The following CLIP1 variants were observed in gnomAD, a reference collection of about 807,000 sequenced individuals.
CLIP1 encodes the protein CAP-Gly domain-containing linker protein 1.
In CLIP1, 66 loss-of-function variants were observed where a neutral mutation model predicts 161.6. The observed-to-expected ratio is 0.41, with a 90% CI of 0.33 to 0.50. The LOEUF (loss-of-function observed/expected upper bound fraction) is 0.50, where lower values mean the gene tolerates loss of function less well. Ranked by LOEUF, CLIP1 falls within the 20% of genes least tolerant of loss-of-function variation. The probability of loss-of-function intolerance (pLI) is 0.27; values close to 1 mark genes in which losing one functional copy is unlikely to be tolerated. For synonymous variants in CLIP1, 598 were observed against 626.2 expected (o/e 0.96, Z 0.67); for missense variants, 1,376 against 1,702.0 (o/e 0.81, Z 3.37).
chr12:122,412,845 A>G (rs1956593599), intron 1 of CLIP1, among the ~76,000 whole-genome samples: 1 of 152,144 alleles, frequency 6.6e-6, no homozygotes, highest in Admixed American at 6.6e-5. Flanking sequence ...TCTTAAAACT[A>G]ATACATAAAG....
At chr12:122,298,192 G>A (rs1593006622) in intron 20 of CLIP1, among the ~76,000 whole-genome samples, 1 of 152,228 alleles carries the variant, frequency 6.6e-6, no homozygotes, top group South Asian at 2.1e-4. Flanking sequence ...GTTTCCCAGG[G>A]AACTCAACCT....
chr12:122,403,651 T>C (rs552456582), intron 1 of CLIP1, among the ~76,000 whole-genome samples: 129 of 152,016 alleles, frequency 8.5e-4, no homozygotes, highest in African/African-American at 3.0e-3. Context: ...CCTGAGTAGC[T>C]GGTATTACAG....
At chr12:122,301,973 C>G (rs1484323427) in intron 20 of CLIP1, among the ~76,000 whole-genome samples, 1 of 152,132 alleles carries the variant, frequency 6.6e-6, no homozygotes, top group Non-Finnish European at 1.5e-5. Flanking sequence ...TATTTCCTGT[C>G]CCTCAGAACA....
At chr12:122,408,783 A>G (rs1956420163) in intron 1 of CLIP1, among the ~76,000 whole-genome samples, 1 of 151,558 alleles carries the variant, frequency 6.6e-6, no homozygotes, top group Non-Finnish European at 1.5e-5. Flanking sequence ...CCACGTTTCT[A>G]TTTTCACAAT....
chr12:122,376,726 T>TC (rs1005407100), intron 3 of CLIP1, among the ~76,000 whole-genome samples: 53 of 152,162 alleles, frequency 3.5e-4, no homozygotes, highest in African/African-American at 1.2e-3. Flanking sequence ...CACCTGGGAC[T>TC]CCCAAAGTGC....
intron 1 of CLIP1, among the ~76,000 whole-genome samples, chr12:122,418,160 CAG>C (rs767878590): frequency 3.9e-5 from 6 of 151,988 alleles, no homozygotes; most frequent in Non-Finnish European, 8.8e-5. Flanking sequence ...AAGAGAATAA[CAG>C]GGATTTCTGT....
chr12:122,343,611 C>T (rs999989314), intron 10 of CLIP1: 1 of 152,206 alleles, frequency 6.6e-6, no homozygotes, highest in African/African-American at 2.4e-5. Flanking sequence ...GCACATGAAT[C>T]ACCTGGAATG....
chr12:122,330,597 G>GTTTTTTTTTTTTTTTTT (rs71082966), intron 15 of CLIP1, among the ~76,000 whole-genome samples: 20 of 101,382 alleles, frequency 2.0e-4, no homozygotes, highest in African/African-American at 8.3e-4. Flanking sequence ...GTATAATGCA[G>GTTTTTTTTTTTTTTTTT]TTTTTTTTTT....
At chr12:122,362,384 G>A (rs1473485990) in intron 4 of CLIP1, among the ~76,000 whole-genome samples, 2 of 151,006 alleles carry the variant, frequency 1.3e-5, no homozygotes, top group Non-Finnish European at 1.5e-5. Context: ...CGTGGCTCAC[G>A]CCTGTAATAG....
intron 19 of CLIP1, among the ~76,000 whole-genome samples, chr12:122,316,474 A>T (rs1005600083): frequency 6.6e-6 from 1 of 152,014 alleles, no homozygotes; most frequent in African/African-American, 2.4e-5. Flanking sequence ...CCTCCCAGTG[A>T]TGGGATTACA....
chr12:122,383,231 A>AGGTTT (rs1955085381), intron 1 of CLIP1, among the ~76,000 whole-genome samples: 1 of 152,146 alleles, frequency 6.6e-6, no homozygotes, highest in Non-Finnish European at 1.5e-5. Context: ...GTTCTGGAAA[A>AGGTTT]CCTTTTACGG....
At chr12:122,291,289 A>C (rs750512641) in intron 20 of CLIP1, among the ~76,000 whole-genome samples, 1 of 151,968 alleles carries the variant, frequency 6.6e-6, no homozygotes, top group African/African-American at 2.4e-5. Flanking sequence ...TCCCAGGTTC[A>C]AGCGATTCTC....
At position 122,374,535 on chromosome 12, in the gene CLIP1, G is replaced by A. The variant is rs572654286; in HGVS notation, c.657+2854C>T. Among the ~76,000 whole-genome samples, 23 of 151,918 alleles carry A rather than the reference G, an allele frequency of 1.5e-4. No individual in the cohort carries two copies. In the South Asian group the frequency reaches 3.7e-3, roughly 25 times the overall value. On this transcript the variant is annotated intron_variant, in intron 3 of 25. Coordinates refer to ENST00000620786, the MANE Select transcript of CLIP1 (RefSeq NM_001247997.2). ...TCCCAGCACTTTGGGAGGCCGAGTCGGGTGGATCACGAGGTCAGGGGTTTG... is the reference window on the plus strand; with the variant it reads ...TCCCAGCACTTTGGGAGGCCGAGTCAGGTGGATCACGAGGTCAGGGGTTTG...
intron 10 of CLIP1, among the ~76,000 whole-genome samples, chr12:122,345,439 G>C (rs1952701703): frequency 6.6e-6 from 1 of 152,036 alleles, no homozygotes; most frequent in Non-Finnish European, 1.5e-5. Flanking sequence ...GGGATTACAG[G>C]CATGAAACAC....
At chr12:122,374,678 C>G (rs1954628852) in intron 3 of CLIP1, among the ~76,000 whole-genome samples, 1 of 152,046 alleles carries the variant, frequency 6.6e-6, no homozygotes, top group African/African-American at 2.4e-5. Context: ...AGGAGAACTG[C>G]TTGAACCCAG....
intron 21 of CLIP1, among the ~76,000 whole-genome samples, chr12:122,284,355 CT>C (rs111603170): frequency 3.3e-3 from 467 of 143,638 alleles, no homozygotes; most frequent in Admixed American, 3.3e-3. Flanking sequence ...TTTGTTTCAT[CT>C]TTTTTTTTTT....
chr12:122,356,474 C>G (rs141573123), intron 5 of CLIP1, among the ~76,000 whole-genome samples: 62 of 152,322 alleles, frequency 4.1e-4, no homozygotes, highest in Non-Finnish European at 7.6e-4. Flanking sequence ...CAAAAATCAA[C>G]ATGCACAGGA....
chr12:122,400,164 T>TCC (rs1192757670), intron 1 of CLIP1: 2 of 152,206 alleles, frequency 1.3e-5, no homozygotes, highest in Admixed American at 6.5e-5. Flanking sequence ...TTGACTTGTT[T>TCC]CCCCTTAAGA....
chr12:122,397,039 A>T (rs531588033), intron 1 of CLIP1, among the ~76,000 whole-genome samples: 1 of 139,660 alleles, frequency 7.2e-6, no homozygotes, highest in South Asian at 2.3e-4. Context: ...TTGGCCTCCC[A>T]AAGTGCTGGG....
Sources: allele counts gnomAD v4.1 joint callset (sites outside exome capture counted in the v4.1 genomes callset), GRCh38; gene constraint gnomAD v4.1.1; transcripts MANE v1.5; gene names NCBI Gene and HGNC (gene_info 2026-07-23, HGNC 2026-07-21).